The following PRKG1 variants were observed in gnomAD, a reference collection of about 807,000 sequenced individuals.
PRKG1 encodes the protein cGMP-dependent protein kinase 1.
PRKG1 carries 35 observed loss-of-function variants against 88.1 expected under a neutral mutation model. That is an observed-to-expected ratio of 0.40 (90% CI 0.30 to 0.53). The LOEUF is 0.53. Ranked by LOEUF, PRKG1 falls within the 20% of genes least tolerant of loss-of-function variation. PRKG1 has a pLI of 0.59. For missense variants in PRKG1, 540 were observed against 839.8 expected (o/e 0.64, Z 4.41); for synonymous variants, 303 against 292.5 (o/e 1.04, Z -0.37).
chr10:52,167,628 GAAA>G (rs111648936), intron 9 of PRKG1, among the ~76,000 whole-genome samples: 1 of 142,116 alleles, frequency 7.0e-6, no homozygotes, highest in Admixed American at 7.0e-5. Context: ...ACCTTTTAAG[GAAA>G]AAAAAAAAAG....
intron 4 of PRKG1, among the ~76,000 whole-genome samples, chr10:51,844,836 T>C (rs1310978445): frequency 6.6e-6 from 1 of 152,138 alleles, no homozygotes; most frequent in East Asian, 1.9e-4. Context: ...ATTCACACAG[T>C]CCGACAAAAA....
intron 9 of PRKG1, among the ~76,000 whole-genome samples, chr10:52,168,636 G>A (rs1242228336): frequency 1.3e-5 from 2 of 151,806 alleles, no homozygotes; most frequent in South Asian, 2.1e-4. Context: ...TTGAAAGCAG[G>A]GAGAATAATC....
At chr10:51,974,673 T>C (rs1273090461) in intron 5 of PRKG1, among the ~76,000 whole-genome samples, 1 of 152,186 alleles carries the variant, frequency 6.6e-6, no homozygotes, top group Non-Finnish European at 1.5e-5. Context: ...ATCCTAACCA[T>C]ATTTTAATGT....
At chr10:51,266,649 A>G (rs775724280) in intron 2 of PRKG1, among the ~76,000 whole-genome samples, 12 of 152,346 alleles carry the variant, frequency 7.9e-5, no homozygotes, top group East Asian at 1.9e-4. Flanking sequence ...ATTAAACAGT[A>G]ATCAGTTAAA....
At position 52,117,587 on chromosome 10, in the gene PRKG1, C is replaced by T. The variant is rs556113660; in HGVS notation, c.936-16253C>T. ...GTAAGACCTCAGCAGCCTCTCTACT[C>T]GGAAATTACTTGTGAGAGTTAATTT... On this transcript the variant is annotated intron_variant, in intron 7 of 17. Coordinates refer to ENST00000373980, the MANE Select transcript of PRKG1 (RefSeq NM_006258.4). Among the ~76,000 whole-genome samples the T allele has an allele frequency of 7.2e-5, 11 of 152,070 alleles. No homozygotes were observed. The East Asian group carries it at 1.4e-3, about 19-fold the overall frequency.
chr10:51,633,512 C>T (rs779904498), intron 3 of PRKG1, among the ~76,000 whole-genome samples: 10 of 151,946 alleles, frequency 6.6e-5, no homozygotes, highest in Admixed American at 3.3e-4. Flanking sequence ...GTTTTCACAA[C>T]AAAATTTTCC....
chr10:51,742,310 A>C (rs774472144), intron 3 of PRKG1, among the ~76,000 whole-genome samples: 1 of 152,186 alleles, frequency 6.6e-6, no homozygotes, highest in Non-Finnish European at 1.5e-5. Flanking sequence ...GCTTCCATGA[A>C]GACATTACAT....
chr10:51,983,636 T>C (rs1357704194), intron 5 of PRKG1, among the ~76,000 whole-genome samples: 4 of 152,168 alleles, frequency 2.6e-5, no homozygotes, highest in Non-Finnish European at 4.4e-5. Flanking sequence ...GGATGGGCAT[T>C]CCTGGCTGTG....
intron 3 of PRKG1, among the ~76,000 whole-genome samples, chr10:51,482,180 A>G (rs1289337364): frequency 6.6e-6 from 1 of 152,164 alleles, no homozygotes; most frequent in Non-Finnish European, 1.5e-5. Context: ...CTGGGGAATA[A>G]TGGCAAGAGG....
Position 52,291,341 on chromosome 10 carries a change from G to C in PRKG1, c.1962+1051G>C, listed in dbSNP as rs201485041. Among the ~76,000 whole-genome samples the C allele has an allele frequency of 2.7e-4, 40 of 150,806 alleles. No homozygotes were observed. In the East Asian group the frequency reaches 7.5e-3, roughly 28 times the overall value. On this transcript the variant is annotated intron_variant, in intron 17 of 17. Coordinates refer to ENST00000373980, the MANE Select transcript of PRKG1 (RefSeq NM_006258.4). ...ACATATGTATACATGTGCCATGCTG[G>C]TGTGCTGCACCCATTAACTTGTCAT...
intron 7 of PRKG1, chr10:52,128,320 T>C (rs1446121087): frequency 1.0e-6 from 1 of 985,276 alleles, no homozygotes; most frequent in Non-Finnish European, 1.2e-6. Context: ...CTACTTTGTA[T>C]CAACTATGTT....
At chr10:51,681,694 A>G (rs1195581661) in intron 3 of PRKG1, among the ~76,000 whole-genome samples, 1 of 152,094 alleles carries the variant, frequency 6.6e-6, no homozygotes. Context: ...ATCTTTTTTT[A>G]ATACATATAA....
intron 7 of PRKG1, among the ~76,000 whole-genome samples, chr10:52,120,961 T>C (rs1278065421): frequency 6.6e-6 from 1 of 152,182 alleles, no homozygotes; most frequent in Non-Finnish European, 1.5e-5. Flanking sequence ...TGGTGGAGGC[T>C]ACCGTGGCCC....
intron 3 of PRKG1, among the ~76,000 whole-genome samples, chr10:51,535,302 T>G (rs1475584325): frequency 2.0e-5 from 3 of 152,312 alleles, no homozygotes; most frequent in African/African-American, 7.2e-5. Context: ...CTATGCAGTA[T>G]TATCTCTGTT....
intron 1 of PRKG1, among the ~76,000 whole-genome samples, chr10:51,122,390 C>T (rs58974161): frequency 0.029 from 4,475 of 152,174 alleles, 163 homozygotes; most frequent in African/African-American, 0.084. Context: ...TGTTCAAACA[C>T]CATTTCTAGT....
Position 51,050,748 on chromosome 10 carries a change from A to G in PRKG1, c.266+59104A>G, listed in dbSNP as rs565487313. 5.3e-4 allele frequency among the ~76,000 whole-genome samples: 81 copies of G among 152,246 alleles called. 1 individual carries two copies. Among genetic ancestry groups the G allele is most frequent in the African/African-American group, 1.7e-3 (71 of 41,572 alleles). On this transcript the variant is annotated intron_variant, in intron 1 of 17. Coordinates refer to the PRKG1 transcript ENST00000401604. ...TTGAGGAACTTCTAAACTGTTCTTTATAGTGGCTGCACCAGTTTACATTTC... is the reference window on the plus strand; with the variant it reads ...TTGAGGAACTTCTAAACTGTTCTTTGTAGTGGCTGCACCAGTTTACATTTC...
intron 1 of PRKG1, among the ~76,000 whole-genome samples, chr10:51,112,129 T>C (rs894694862): frequency 6.6e-6 from 1 of 152,188 alleles, no homozygotes; most frequent in Non-Finnish European, 1.5e-5. Context: ...GGTCTTGTCT[T>C]ATTTACCTTT....
intron 5 of PRKG1, among the ~76,000 whole-genome samples, chr10:51,952,578 C>T (rs538080627): frequency 6.6e-6 from 1 of 152,268 alleles, no homozygotes; most frequent in Non-Finnish European, 1.5e-5. Context: ...CAGTGCCTAA[C>T]ACATTGCAAA....
chr10:51,590,178 T>A, intron 3 of PRKG1, among the ~76,000 whole-genome samples: 1 of 152,216 alleles, frequency 6.6e-6, no homozygotes, highest in Non-Finnish European at 1.5e-5. Flanking sequence ...CAGCATCTGC[T>A]ACAAACATAT....
Sources: allele counts gnomAD v4.1 joint callset (sites outside exome capture counted in the v4.1 genomes callset), GRCh38; gene constraint gnomAD v4.1.1; transcripts MANE v1.5; gene names NCBI Gene and HGNC (gene_info 2026-07-23, HGNC 2026-07-21).